The following FAM91A1 variants were observed in gnomAD, a reference collection of about 807,000 sequenced individuals.
FAM91A1 encodes family with sequence similarity 91 member A1.
A neutral mutation model predicts 113.5 loss-of-function variants in FAM91A1; 41 were observed. The ratio of observed to expected loss-of-function variants is 0.36; its 90% CI spans 0.28 to 0.47. The LOEUF (loss-of-function observed/expected upper bound fraction) is 0.47, where lower values mean the gene tolerates loss of function less well. FAM91A1 is among the 20% of genes least tolerant of loss of function. The pLI is 1.00. For synonymous variants in FAM91A1, 307 were observed against 347.9 expected, an observed-to-expected ratio of 0.88 and a Z score of 1.31; for missense variants, 696 against 1,001.2, an observed-to-expected ratio of 0.70 and a Z score of 4.11.
intron 15 of FAM91A1, among the ~76,000 whole-genome samples, chr8:123,795,163 G>T (rs929113486): frequency 3.3e-5 from 5 of 152,124 alleles, no homozygotes; most frequent in African/African-American, 1.2e-4. Context: ...GCAAAGGATG[G>T]TTTAATCATT....
chr8:123,787,034 C>T (rs1211382712), intron 12 of FAM91A1, among the ~76,000 whole-genome samples: 2 of 152,086 alleles, frequency 1.3e-5, no homozygotes, highest in African/African-American at 2.4e-5. Context: ...GAGGCTAAGC[C>T]CAAAGGGAAA....
In FAM91A1 at chr8:123,768,596, G is replaced by C. The variant is rs1376776372; in HGVS notation, c.-107G>C. 5.0e-6 allele frequency: 5 copies of C among 998,938 alleles called. No individual in the cohort carries two copies. In the African/African-American group the frequency reaches 6.9e-5, roughly 14 times the overall value. 61.9% of individuals were successfully genotyped at this position (998,938 alleles called of 1,614,324 possible). The stretch of plus-strand genomic sequence containing the variant: ...CAGCCTGGGCCTTCTGCAGTGTGAG[G>C]CGCGGGGCCTCCCGCGTCGCTCCGC... On this transcript the variant is annotated 5_prime_UTR_variant, in exon 1 of 24. Transcript: ENST00000334705.
At chr8:123,806,803 G>A (rs1370387623) in intron 20 of FAM91A1, among the ~76,000 whole-genome samples, 2 of 151,850 alleles carry the variant, frequency 1.3e-5, no homozygotes, top group African/African-American at 4.8e-5. Context: ...AACATGTGCT[G>A]TTGCAACCAT....
intron 22 of FAM91A1, among the ~76,000 whole-genome samples, chr8:123,809,852 A>T (rs997564332): frequency 7.2e-5 from 11 of 152,222 alleles, no homozygotes; most frequent in African/African-American, 2.4e-4. Context: ...ACTGACTTAC[A>T]TATTTGAAAA....
intron 11 of FAM91A1, among the ~76,000 whole-genome samples, 160 bp from the exon 12 acceptor site, chr8:123,786,335 A>G (rs933079946): frequency 1.3e-5 from 2 of 152,190 alleles, no homozygotes; most frequent in Non-Finnish European, 2.9e-5. Flanking sequence ...CCCTTGTTGT[A>G]TGTAGGCAGA....
chr8:123,778,174 T>C, intron 5 of FAM91A1, 82 bp downstream of exon 5: 1 of 1,019,902 alleles, frequency 9.8e-7, no homozygotes, highest in Non-Finnish European at 1.5e-6. Context: ...AATAATGAAT[T>C]GTATGTCTTT....
At chr8:123,776,029 A>G (rs1435645028) in intron 3 of FAM91A1, among the ~76,000 whole-genome samples, 1 of 152,224 alleles carries the variant, frequency 6.6e-6, no homozygotes, top group African/African-American at 2.4e-5. Context: ...CTAAAGAATG[A>G]ATGATGACAT....
At chr8:123,807,506 A>G (rs13265181) in intron 20 of FAM91A1, among the ~76,000 whole-genome samples, 2 of 151,510 alleles carry the variant, frequency 1.3e-5, no homozygotes, top group Non-Finnish European at 2.9e-5. Flanking sequence ...AAAAAAAGAA[A>G]CAAAAAAGAC....
chr8:123,806,314 T>C, intron 20 of FAM91A1, 85 bp downstream of exon 20: 2 of 1,342,280 alleles, frequency 1.5e-6, no homozygotes, highest in Non-Finnish European at 1.0e-6. Context: ...AGCAGACCTT[T>C]GTGGGGATGC....
At chr8:123,793,839 A>G (rs894383137) in intron 15 of FAM91A1, among the ~76,000 whole-genome samples, 1 of 152,186 alleles carries the variant, frequency 6.6e-6, no homozygotes, top group Non-Finnish European at 1.5e-5. Context: ...TGCTTGAAGG[A>G]GGATATAGCT....
intron 10 of FAM91A1, 119 bp from the exon 11 acceptor site, chr8:123,785,510 G>A: frequency 1.4e-6 from 1 of 701,956 alleles, no homozygotes. Context: ...ATAGTTTCTG[G>A]TTACGGGATG....
intron 8 of FAM91A1, among the ~76,000 whole-genome samples, chr8:123,783,672 G>T (rs1339517539): frequency 6.6e-6 from 1 of 152,190 alleles, no homozygotes; most frequent in Admixed American, 6.5e-5. Flanking sequence ...CTCCTTCTCA[G>T]GATATTTTCA....
intron 15 of FAM91A1, among the ~76,000 whole-genome samples, chr8:123,796,357 A>G (rs1331241039): frequency 6.6e-6 from 1 of 152,188 alleles, no homozygotes; most frequent in African/African-American, 2.4e-5. Context: ...TGCTGGAGAA[A>G]ACTGTCTAGA....
At chr8:123,808,231 C>T (rs370869222) in intron 20 of FAM91A1, 41 bp from the exon 21 acceptor site, 13 of 1,530,508 alleles carry the variant, frequency 8.5e-6, no homozygotes, top group Admixed American at 3.5e-5. Context: ...CTTCTGCTAA[C>T]TGCTAGAATC....
Position 123,789,628 on chromosome 8 carries a change from G to T in FAM91A1, c.1294G>T (p.Glu432Ter). The change falls in exon 15 of 24, where the codon GAA (glutamate) becomes TAA (stop). Residue 432 changes from glutamate to a stop codon, truncating the protein, a stop_gained. Transcript: ENST00000334705. LOFTEE classifies it high-confidence loss of function. ...CTTGGTTTAGGTTCAGAGCACTGGT[G>T]AAGGAGAAGCACAGAGATATTTTGA... ...IELEKVQSTG[E>*]GEAQRYFDHA... is the part of the protein sequence containing the mutation. 6.2e-7 allele frequency: 1 copy of T among 1,611,764 alleles called. No homozygotes were observed. Among genetic ancestry groups the T allele is most frequent in the Non-Finnish European group, 8.5e-7 (1 of 1,179,688 alleles).
At chr8:123,795,476 G>A (rs964585597) in intron 15 of FAM91A1, among the ~76,000 whole-genome samples, 4 of 144,964 alleles carry the variant, frequency 2.8e-5, no homozygotes, top group Non-Finnish European at 5.9e-5. Context: ...TCTTCCTCCT[G>A]CTCCGGCCAT....
chr8:123,790,988 G>A (rs1815369257), intron 15 of FAM91A1, among the ~76,000 whole-genome samples: 1 of 152,190 alleles, frequency 6.6e-6, no homozygotes, highest in Admixed American at 6.5e-5. Context: ...GCACAGTCTT[G>A]AGGATGTCTT....
intron 9 of FAM91A1, 112 bp downstream of exon 9, chr8:123,784,688 T>G (rs935796397): frequency 3.2e-6 from 2 of 621,808 alleles, no homozygotes; most frequent in Non-Finnish European, 5.2e-6. Flanking sequence ...TGTGGGGAGA[T>G]CATACCATTA....
intron 21 of FAM91A1, 92 bp from the exon 22 acceptor site, chr8:123,808,801 A>G (rs1420804304): frequency 1.6e-6 from 2 of 1,256,920 alleles, no homozygotes; most frequent in East Asian, 5.4e-5. Flanking sequence ...GAATCTATGA[A>G]CTTCAGGTTA....
Sources: gnomAD v4.1 joint callset for allele counts (sites outside exome capture counted in the v4.1 genomes callset) on GRCh38, gnomAD v4.1.1 for gene constraint, MANE v1.5 for transcripts, NCBI Gene and HGNC (gene_info 2026-07-23, HGNC 2026-07-21) for gene names.